The following NTRK3 variants were observed in gnomAD, a reference collection of about 807,000 sequenced individuals.
NTRK3 encodes the protein neurotrophic receptor tyrosine kinase 3.
NTRK3 carries 24 observed loss-of-function variants against 91.7 expected under a neutral mutation model. That is an observed-to-expected ratio of 0.26 (90% confidence interval 0.19 to 0.37). NTRK3 has a LOEUF of 0.37. NTRK3 is among the 10% of genes least tolerant of loss of function. The pLI is 1.00. For synonymous variants in NTRK3, 483 were observed against 404.0 expected, an observed-to-expected ratio of 1.20 and a Z score of -2.34; for missense variants, 880 against 1,068.9, an observed-to-expected ratio of 0.82 and a Z score of 2.46.
chr15:88,149,523 C>T (rs777556204), intron 5 of NTRK3, among the ~76,000 whole-genome samples: 37 of 152,336 alleles, frequency 2.4e-4, no homozygotes, highest in Middle Eastern at 3.4e-3. Context: ...AGCCTATACA[C>T]CTAAGCCATC....
chr15:87,907,366 G>T (rs1226873738), intron 17 of NTRK3, among the ~76,000 whole-genome samples: 1 of 152,114 alleles, frequency 6.6e-6, no homozygotes, highest in Non-Finnish European at 1.5e-5. Flanking sequence ...CTTTCATGCT[G>T]TTATTAGGAG....
chr15:88,127,553 A>G (rs1426689850), intron 11 of NTRK3, among the ~76,000 whole-genome samples: 2 of 152,236 alleles, frequency 1.3e-5, no homozygotes, highest in African/African-American at 4.8e-5. Flanking sequence ...GAACAGAAAA[A>G]AAGAAACATG....
chr15:87,861,338 T>C (rs1335720620), exon 19 of NTRK3: 3 of 215,652 alleles, frequency 1.4e-5, no homozygotes, highest in East Asian at 1.4e-4. Flanking sequence ...CCAGCTGATT[T>C]TCCAGATATT....
At chr15:87,991,330 C>T (rs897354024) in intron 14 of NTRK3, among the ~76,000 whole-genome samples, 1 of 152,160 alleles carries the variant, frequency 6.6e-6, no homozygotes, top group Admixed American at 6.5e-5. Context: ...CCATCCAAAA[C>T]CTACCGGATT....
chr15:88,249,333 T>G (rs1283378397), intron 3 of NTRK3, among the ~76,000 whole-genome samples: 1 of 152,180 alleles, frequency 6.6e-6, no homozygotes, highest in Non-Finnish European at 1.5e-5. Flanking sequence ...GGGCTGCCAG[T>G]CTCACATAGT....
intron 15 of NTRK3, 124 bp downstream of exon 15, chr15:87,940,499 T>A: frequency 6.7e-7 from 1 of 1,485,174 alleles, no homozygotes; most frequent in South Asian, 1.1e-5. Flanking sequence ...CGGAGCAAAG[T>A]CCTTTGATTG....
At chr15:88,224,709 C>G (rs2141627576) in intron 3 of NTRK3, among the ~76,000 whole-genome samples, 1 of 152,332 alleles carries the variant, frequency 6.6e-6, no homozygotes, top group South Asian at 2.1e-4. Flanking sequence ...AAACGCACTG[C>G]CCAGGTACCT....
chr15:88,178,860 G>C, intron 5 of NTRK3, among the ~76,000 whole-genome samples: 1 of 152,230 alleles, frequency 6.6e-6, no homozygotes, highest in Admixed American at 6.5e-5. Context: ...CAGGGGGAAA[G>C]AGCAGCTCTT....
chr15:87,988,631 T>C (rs561265464), intron 14 of NTRK3, among the ~76,000 whole-genome samples: 52 of 152,352 alleles, frequency 3.4e-4, no homozygotes, highest in African/African-American at 1.2e-3. Context: ...ATTCAGAATT[T>C]ATAATTTAAT....
intron 15 of NTRK3, among the ~76,000 whole-genome samples, chr15:87,936,553 T>G (rs2069297491): frequency 6.6e-6 from 1 of 152,014 alleles, no homozygotes; most frequent in Admixed American, 6.5e-5. Context: ...TTTTTTTTTT[T>G]TTTAGGGGGA....
chr15:88,035,860 T>C (rs747772185), intron 13 of NTRK3, among the ~76,000 whole-genome samples: 6 of 152,098 alleles, frequency 3.9e-5, no homozygotes, highest in Non-Finnish European at 8.8e-5. Flanking sequence ...CGTGAACAAT[T>C]CAAGGGTAGT....
intron 17 of NTRK3, among the ~76,000 whole-genome samples, chr15:87,905,741 T>C (rs17752263): frequency 0.023 from 3,437 of 152,224 alleles, 58 homozygotes; most frequent in Non-Finnish European, 0.036. Flanking sequence ...CTATTATCTA[T>C]ACATAGACAC....
At chr15:88,126,177 T>C in intron 13 of NTRK3, 94 bp downstream of exon 13, 1 of 948,980 alleles carries the variant, frequency 1.1e-6, no homozygotes, top group Non-Finnish European at 1.7e-6. Context: ...GGAGGCCCTC[T>C]CAGAGAGCAA....
chr15:88,219,165 G>C (rs145579209), intron 3 of NTRK3, among the ~76,000 whole-genome samples: 39 of 152,372 alleles, frequency 2.6e-4, no homozygotes, highest in African/African-American at 8.9e-4. Flanking sequence ...TGGGCAGAGA[G>C]AGAAGCCCAT....
chr15:88,225,506 A>G (rs1161934546), intron 3 of NTRK3, among the ~76,000 whole-genome samples: 1 of 152,230 alleles, frequency 6.6e-6, no homozygotes, highest in Non-Finnish European at 1.5e-5. Flanking sequence ...AGCAAGCTGC[A>G]GATGAATGAA....
chr15:88,133,073 G>T (rs2041525373), intron 10 of NTRK3, among the ~76,000 whole-genome samples: 2 of 152,180 alleles, frequency 1.3e-5, no homozygotes, highest in African/African-American at 4.8e-5. Flanking sequence ...TGATTCCGTA[G>T]ATGTGAGTGG....
intron 3 of NTRK3, among the ~76,000 whole-genome samples, chr15:88,189,430 T>C (rs149308622): frequency 1.1e-3 from 154 of 144,004 alleles, no homozygotes; most frequent in African/African-American, 2.9e-3. Context: ...TTTTTTTTTT[T>C]CTTTTTTTTT....
rs187193397 is a variant in NTRK3, at chr15:88,134,513, G to A, written c.1204+588C>T. ...GGAACAAGAGAGGAATGAAGCCACA[G>A]ACCTGGGGGCCTAGATCCAAGTCAA... is the stretch of plus-strand genomic sequence containing the variant. On this transcript the variant is annotated intron_variant, in intron 10 of 18. Coordinates refer to ENST00000394480, the Ensembl canonical transcript of NTRK3. Among the ~76,000 whole-genome samples, 33 of 152,306 alleles carry A rather than the reference G, an allele frequency of 2.2e-4. 1 individual carries two copies. In the East Asian group the frequency reaches 6.4e-3, roughly 29 times the overall value.
intron 14 of NTRK3, among the ~76,000 whole-genome samples, chr15:87,984,022 T>A (rs1039772975): frequency 7.2e-5 from 11 of 152,138 alleles, no homozygotes; most frequent in Non-Finnish European, 1.5e-4. Flanking sequence ...ACCCAAACTC[T>A]GTCTGGTCAC....
Sources: allele counts gnomAD v4.1 joint callset (sites outside exome capture counted in the v4.1 genomes callset), GRCh38; gene constraint gnomAD v4.1.1; transcripts MANE v1.5; gene names NCBI Gene and HGNC (gene_info 2026-07-23, HGNC 2026-07-21).